KCNH7: variants seen among roughly 807,000 people sequenced by gnomAD.
KCNH7 encodes the protein voltage-gated inwardly rectifying potassium channel KCNH7.
Under a neutral mutation model 120.8 loss-of-function variants are expected in KCNH7, and 49 were observed. The observed-to-expected ratio is 0.41, with a 90% CI of 0.32 to 0.51. KCNH7 has a LOEUF of 0.51. Ranked by LOEUF, KCNH7 falls within the 20% of genes least tolerant of loss-of-function variation. KCNH7 has a pLI of 0.38. For missense variants in KCNH7, 1,097 were observed against 1,446.6 expected (o/e 0.76, Z 3.92); for synonymous variants, 547 against 516.1 (o/e 1.06, Z -0.81).
At chr2:162,569,117 C>T (rs1228310406) in intron 2 of KCNH7, among the ~76,000 whole-genome samples, 1 of 151,968 alleles carries the variant, frequency 6.6e-6, no homozygotes, top group African/African-American at 2.4e-5. Flanking sequence ...CCAGTTCCTC[C>T]TTGCACCTCT....
chr2:162,412,024 A>C (rs895377015), intron 9 of KCNH7, among the ~76,000 whole-genome samples: 1 of 151,942 alleles, frequency 6.6e-6, no homozygotes, highest in Non-Finnish European at 1.5e-5. Flanking sequence ...GAACCAAACC[A>C]AAAAGAAGTC....
At chr2:162,419,796 TG>T (rs1365654611) in intron 9 of KCNH7, among the ~76,000 whole-genome samples, 1 of 152,190 alleles carries the variant, frequency 6.6e-6, no homozygotes, top group African/African-American at 2.4e-5. Flanking sequence ...CTGTGTGTGA[TG>T]TGAGGCCACT....
intron 2 of KCNH7, among the ~76,000 whole-genome samples, chr2:162,744,875 C>A (rs991688100): frequency 3.3e-5 from 5 of 152,048 alleles, no homozygotes; most frequent in African/African-American, 9.7e-5. Context: ...GCCCGGCCGA[C>A]AGAACTTTTA....
intron 5 of KCNH7, among the ~76,000 whole-genome samples, chr2:162,505,382 G>A (rs868182567): frequency 2.0e-5 from 3 of 150,994 alleles, no homozygotes; most frequent in East Asian, 1.9e-4. Context: ...ATTAAAAACC[G>A]CAAAAGACTA....
At chr2:162,520,881 C>G (rs1000462269) in intron 3 of KCNH7, among the ~76,000 whole-genome samples, 2 of 151,884 alleles carry the variant, frequency 1.3e-5, no homozygotes, top group Admixed American at 6.6e-5. Flanking sequence ...ACAAAACTCT[C>G]TCCATCCTGC....
At chr2:162,417,838 G>A (rs542458881) in intron 9 of KCNH7, among the ~76,000 whole-genome samples, 1 of 152,242 alleles carries the variant, frequency 6.6e-6, no homozygotes, top group East Asian at 1.9e-4. Context: ...TTAGATGCCT[G>A]TCTTAAGCTT....
intron 9 of KCNH7, among the ~76,000 whole-genome samples, chr2:162,418,664 G>T (rs1367546514): frequency 6.6e-6 from 1 of 152,106 alleles, no homozygotes; most frequent in Admixed American, 6.6e-5. Context: ...GTTTCTGATG[G>T]AGTAGGATTA....
At chr2:162,799,502 A>T (rs1461975104) in intron 2 of KCNH7, among the ~76,000 whole-genome samples, 1 of 152,152 alleles carries the variant, frequency 6.6e-6, no homozygotes, top group Non-Finnish European at 1.5e-5. Context: ...GATCTTTAAT[A>T]TTTAGAATAC....
chr2:162,752,819 T>G (rs569964318), intron 2 of KCNH7, among the ~76,000 whole-genome samples: 5 of 149,862 alleles, frequency 3.3e-5, no homozygotes, highest in Admixed American at 2.8e-4. Flanking sequence ...GAGAATCACT[T>G]GAACCCAGGA....
At chr2:162,510,423 G>A (rs531489552) in intron 5 of KCNH7, among the ~76,000 whole-genome samples, 1 of 151,338 alleles carries the variant, frequency 6.6e-6, no homozygotes, top group Non-Finnish European at 1.5e-5. Context: ...GAAGGATTTA[G>A]GTTAGCTCTT....
intron 3 of KCNH7, among the ~76,000 whole-genome samples, chr2:162,522,113 T>G (rs1167966257): frequency 6.6e-6 from 1 of 151,882 alleles, no homozygotes; most frequent in Non-Finnish European, 1.5e-5. Flanking sequence ...TTCTTACATA[T>G]CTCTACTAAT....
chr2:162,664,238 C>T, intron 2 of KCNH7, among the ~76,000 whole-genome samples: 1 of 152,092 alleles, frequency 6.6e-6, no homozygotes, highest in East Asian at 1.9e-4. Context: ...TGCATATGTG[C>T]ACATATAACC....
chr2:162,721,783 A>ATTT, intron 2 of KCNH7, among the ~76,000 whole-genome samples: 2 of 152,132 alleles, frequency 1.3e-5, no homozygotes, highest in Non-Finnish European at 2.9e-5. Flanking sequence ...ATTATAAAAA[A>ATTT]TAATTAAGAA....
intron 2 of KCNH7, among the ~76,000 whole-genome samples, chr2:162,588,450 C>G (rs917554821): frequency 6.6e-6 from 1 of 151,694 alleles, no homozygotes; most frequent in Admixed American, 6.6e-5. Context: ...TTCCTTATAC[C>G]CCCTCAAAAA....
intron 5 of KCNH7, among the ~76,000 whole-genome samples, chr2:162,508,099 A>G (rs576787893): frequency 1.6e-4 from 24 of 151,550 alleles, no homozygotes; most frequent in Non-Finnish European, 3.1e-4. Context: ...AATCATGTTG[A>G]TATTTTAGAA....
At chr2:162,642,075 A>G (rs906450020) in intron 2 of KCNH7, among the ~76,000 whole-genome samples, 15 of 152,158 alleles carry the variant, frequency 9.9e-5, no homozygotes, top group Non-Finnish European at 2.2e-4. Flanking sequence ...CTTCAGCCCA[A>G]TAAATTCCAA....
intron 2 of KCNH7, among the ~76,000 whole-genome samples, chr2:162,728,597 G>A (rs1687610556): frequency 6.6e-6 from 1 of 152,082 alleles, no homozygotes; most frequent in Non-Finnish European, 1.5e-5. Context: ...TGACCAACAC[G>A]GAGAAACCCT....
intron 2 of KCNH7, among the ~76,000 whole-genome samples, chr2:162,547,824 C>A (rs1692532667): frequency 6.6e-6 from 1 of 152,146 alleles, no homozygotes; most frequent in Admixed American, 6.5e-5. Context: ...GGATTCTCTA[C>A]TGCAGCCAAC....
At chr2:162,432,621 T>G (rs901236126) in intron 8 of KCNH7, among the ~76,000 whole-genome samples, 1 of 152,158 alleles carries the variant, frequency 6.6e-6, no homozygotes, top group South Asian at 2.1e-4. Context: ...AAAATTTTCC[T>G]GATTAAAAAC....
Sources: gnomAD v4.1 joint callset for allele counts (sites outside exome capture counted in the v4.1 genomes callset) on GRCh38, gnomAD v4.1.1 for gene constraint, MANE v1.5 for transcripts, NCBI Gene and HGNC (gene_info 2026-07-23, HGNC 2026-07-21) for gene names.